Variants in SIPA1L2 observed in about 807,000 individuals in gnomAD.
SIPA1L2 encodes the protein signal-induced proliferation-associated 1-like protein 2.
SIPA1L2 carries 56 observed loss-of-function variants against 163.9 expected under a neutral mutation model. That is an observed-to-expected ratio of 0.34 (90% CI 0.28 to 0.43). SIPA1L2 has a LOEUF of 0.43. Among genes scored for constraint, SIPA1L2 ranks in the 20% least tolerant of loss-of-function variants. The probability of loss-of-function intolerance (pLI) is 1.00; values close to 1 mark genes in which losing one functional copy is unlikely to be tolerated. For synonymous variants in SIPA1L2, 877 were observed against 865.7 expected, an observed-to-expected ratio of 1.01 and a Z score of -0.23; for missense variants, 1,974 against 2,193.5, an observed-to-expected ratio of 0.90 and a Z score of 2.00.
intron 1 of SIPA1L2, among the ~76,000 whole-genome samples, chr1:232,616,875 G>A (rs1662526889): frequency 6.6e-6 from 1 of 152,178 alleles, no homozygotes; most frequent in Non-Finnish European, 1.5e-5. Flanking sequence ...AGAAAAGCGG[G>A]TGGTTAACTA....
intron 1 of SIPA1L2, among the ~76,000 whole-genome samples, chr1:232,593,999 C>T (rs990771934): frequency 2.0e-5 from 3 of 152,214 alleles, no homozygotes; most frequent in East Asian, 1.9e-4. Flanking sequence ...CCTGCCCAAG[C>T]GGTGGGACCT....
intron 2 of SIPA1L2, among the ~76,000 whole-genome samples, chr1:232,540,517 C>A (rs980608374): frequency 6.6e-6 from 1 of 152,110 alleles, no homozygotes; most frequent in African/African-American, 2.4e-5. Context: ...AATTCACAGT[C>A]TTCACAGTCA....
chr1:232,425,619 G>A lies in SIPA1L2; in HGVS notation c.4600C>T (p.His1534Tyr), dbSNP rs1661847368. The A allele has an allele frequency of 6.2e-7, 1 of 1,607,104 alleles. No individual in the cohort carries two copies. Among genetic ancestry groups the A allele is most frequent in the South Asian group, 1.1e-5 (1 of 90,004 alleles). The change falls in exon 18 of 23, where the codon CAC (histidine) becomes TAC (tyrosine). Residue 1534 changes from histidine (H) to tyrosine (Y), a missense_variant. Coordinates refer to ENST00000674635, the MANE Select transcript of SIPA1L2 (RefSeq NM_020808.5). ...PYHSTLPPRA[H>Y]PAPSMGSLRN... ...AGGCTCCCCATGCTGGGTGCGGGGT[G>A]GGCCCGCGGAGGCAGCGTGCTGTGG...
intron 19 of SIPA1L2, among the ~76,000 whole-genome samples, chr1:232,408,481 T>C (rs1660769900): frequency 6.6e-6 from 1 of 152,178 alleles, no homozygotes; most frequent in Admixed American, 6.5e-5. Context: ...TATTATCATA[T>C]TGCTGAACAA....
chr1:232,462,272 G>A (rs1244735511), intron 9 of SIPA1L2: 1 of 1,550,488 alleles, frequency 6.4e-7, no homozygotes. Flanking sequence ...ACCTATCTGT[G>A]GGAATTTCAA....
At chr1:232,603,054 C>G (rs567044407) in intron 1 of SIPA1L2, among the ~76,000 whole-genome samples, 6 of 152,204 alleles carry the variant, frequency 3.9e-5, no homozygotes, top group African/African-American at 1.4e-4. Context: ...ATTTCTGATG[C>G]AGAATTAGCG....
At chr1:232,405,478 C>T (rs561450908) in intron 19 of SIPA1L2, among the ~76,000 whole-genome samples, 4 of 152,224 alleles carry the variant, frequency 2.6e-5, no homozygotes, top group African/African-American at 7.2e-5. Context: ...TGGGGCCCTG[C>T]CAACTTCTAC....
rs545731756 is a variant in SIPA1L2 at position 232,445,649 on chromosome 1, G to T, written c.3233C>A (p.Ser1078Tyr). Residue 1078 changes from serine to tyrosine, a missense_variant, in exon 11 of 23, where the codon TCT (serine) becomes TAT (tyrosine). Around this residue, in one of 3 missense-constraint regions of SIPA1L2, gnomAD observed 1,079 missense variants for 1,150.7 expected, o/e 0.94. Transcript: ENST00000674635. ...RVPTPALQPL[S>Y]RASPIPGTPD... Reference sequence around the variant, plus strand: ...CGTGCCGGGGATGGGGGAAGCTCTAGAGAGGGGCTGCAGGGCAGGAGTGGG... The same window carrying T: ...CGTGCCGGGGATGGGGGAAGCTCTATAGAGGGGCTGCAGGGCAGGAGTGGG... 5 of 1,613,870 alleles carry T rather than the reference G, an allele frequency of 3.1e-6. No individual in the cohort carries two copies.
At chr1:232,399,416 A>C (rs1010917058) in intron 22 of SIPA1L2, 143 bp from the exon 23 acceptor site, 1 of 818,558 alleles carries the variant, frequency 1.2e-6, no homozygotes, top group Non-Finnish European at 1.9e-6. Context: ...TAGTGAGGGG[A>C]CTTTTCTGAT....
intron 2 of SIPA1L2, among the ~76,000 whole-genome samples, chr1:232,552,850 C>CG (rs543945632): frequency 6.6e-6 from 1 of 152,254 alleles, no homozygotes; most frequent in East Asian, 1.9e-4. Flanking sequence ...GAATGTACAA[C>CG]GGGGGGTGGC....
At chr1:232,489,190 G>A (rs1035793053) in intron 5 of SIPA1L2, among the ~76,000 whole-genome samples, 2 of 152,110 alleles carry the variant, frequency 1.3e-5, no homozygotes, top group African/African-American at 4.8e-5. Context: ...ATCCTACAAA[G>A]GGATCAAGAA....
At chr1:232,603,471 C>G (rs775917600) in intron 1 of SIPA1L2, among the ~76,000 whole-genome samples, 3 of 152,006 alleles carry the variant, frequency 2.0e-5, no homozygotes, top group Non-Finnish European at 4.4e-5. Flanking sequence ...GAGAACGAGG[C>G]GCAGAGGTAA....
intron 1 of SIPA1L2, among the ~76,000 whole-genome samples, chr1:232,616,912 C>CT (rs368457529): frequency 1.4e-3 from 209 of 152,288 alleles, no homozygotes; most frequent in African/African-American, 4.8e-3. Flanking sequence ...TTTAGGTCAA[C>CT]TAGGTTTTCA....
At chr1:232,615,342 A>C (rs772199015) in intron 1 of SIPA1L2, among the ~76,000 whole-genome samples, 2 of 152,238 alleles carry the variant, frequency 1.3e-5, no homozygotes, top group Non-Finnish European at 2.9e-5. Flanking sequence ...AGTCTGCTGA[A>C]GGTCCTTTCA....
chr1:232,624,464 CTA>C (rs1422457479), intron 1 of SIPA1L2, among the ~76,000 whole-genome samples: 2 of 152,246 alleles, frequency 1.3e-5, no homozygotes, highest in African/African-American at 2.4e-5. Context: ...TCACAGGACA[CTA>C]TGTCTTAAGC....
chr1:232,429,718 C>T (rs538016886), intron 16 of SIPA1L2, among the ~76,000 whole-genome samples: 1 of 151,654 alleles, frequency 6.6e-6, no homozygotes, highest in Non-Finnish European at 1.5e-5. Flanking sequence ...GAAACCAAGA[C>T]GCTGGAGGGC....
Position 232,398,731 on chromosome 1 carries a change from T to C in SIPA1L2, c.*396A>G, listed in dbSNP as rs987684763. On this transcript the variant is annotated 3_prime_UTR_variant, in exon 23 of 23. Coordinates refer to ENST00000674635, the MANE Select transcript of SIPA1L2 (RefSeq NM_020808.5). ...ATTTGTTCTCATGTTTATTTTACAA[T>C]ACTAAAGCCCAAACTATGGTAAATT... 3.6e-5 allele frequency: 6 copies of C among 167,408 alleles called. No homozygotes were observed. The highest frequency in any genetic ancestry group is 1.4e-4 in the African/African-American group (6 of 42,054). The allele number at this position is 167,408 out of a possible 1,614,324, so 10.4% of individuals were successfully genotyped here.
At chr1:232,602,167 AC>A (rs1661632927) in intron 1 of SIPA1L2, among the ~76,000 whole-genome samples, 1 of 152,160 alleles carries the variant, frequency 6.6e-6, no homozygotes, top group Non-Finnish European at 1.5e-5. Context: ...GAGCTTGTGC[AC>A]AGGCAGAGAA....
At chr1:232,567,082 T>A (rs1659448581) in intron 2 of SIPA1L2, among the ~76,000 whole-genome samples, 1 of 152,228 alleles carries the variant, frequency 6.6e-6, no homozygotes, top group African/African-American at 2.4e-5. Flanking sequence ...GTCACTACCC[T>A]TGGGGCACTG....
Sources: gnomAD v4.1 joint callset for allele counts (sites outside exome capture counted in the v4.1 genomes callset) on GRCh38, gnomAD v4.1.1 for gene constraint, gnomAD v4.1.1 regional missense constraint, MANE v1.5 for transcripts, NCBI Gene and HGNC (gene_info 2026-07-23, HGNC 2026-07-21) for gene names.